The following PACRGL variants were observed in gnomAD, a reference collection of about 807,000 sequenced individuals.
The protein encoded by PACRGL is PACRG-like protein.
A neutral mutation model predicts 34.5 loss-of-function variants in PACRGL; 38 were observed. That is an observed-to-expected ratio of 1.10 (90% CI 0.85 to 1.44). The LOEUF is 1.44. Among genes scored for constraint, PACRGL ranks in the 40% most tolerant of loss-of-function variants. The pLI is 0.00. For missense variants in PACRGL, 305 were observed against 281.4 expected (o/e 1.08, Z -0.60); for synonymous variants, 128 against 100.1 (o/e 1.28, Z -1.66).
At chr4:20,749,673 C>A in intron 8 of PACRGL, 2 of 1,604,732 alleles carry the variant, frequency 1.2e-6, no homozygotes, top group South Asian at 1.1e-5. Context: ...TCGAAACTCA[C>A]AGCTCCATTG....
intron 4 of PACRGL, among the ~76,000 whole-genome samples, chr4:20,708,414 AATTTT>A (rs1735544962): frequency 6.6e-6 from 1 of 152,094 alleles, no homozygotes; most frequent in African/African-American, 2.4e-5. Flanking sequence ...GATGATAGAA[AATTTT>A]ATTTTGATTA....
At chr4:20,749,005 C>T (rs1050600197) in intron 8 of PACRGL, among the ~76,000 whole-genome samples, 6 of 151,120 alleles carry the variant, frequency 4.0e-5, no homozygotes, top group African/African-American at 1.5e-4. Flanking sequence ...AAATTAAATA[C>T]TTTCTAGCTG....
rs192285249 is a variant in PACRGL, at chr4:20,717,941, A to C, written c.609+4402A>C. Among the ~76,000 whole-genome samples, 347 of 152,168 alleles carry C rather than the reference A, an allele frequency of 2.3e-3. 4 individuals carry two copies. Among genetic ancestry groups the C allele is most frequent in the African/African-American group, 8.1e-3 (338 of 41,508 alleles). On this transcript the variant is annotated intron_variant, in intron 7 of 8. Coordinates refer to ENST00000503585, the MANE Select transcript of PACRGL (RefSeq NM_001258345.3). ...TACCTTGGGCAGTATGGCCATTTTC[A>C]CCATATTGATTCTTCCTATCCATGA...
intron 8 of PACRGL, among the ~76,000 whole-genome samples, chr4:20,746,378 G>T (rs555181577): frequency 1.2e-4 from 19 of 152,138 alleles, no homozygotes; most frequent in African/African-American, 4.6e-4. Context: ...GTCGGAGGGT[G>T]GGGGGCTAGG....
rs760391530 is a variant in PACRGL, at chr4:20,745,819, C to T, written c.*57-6746C>T. 6.5e-4 allele frequency among the ~76,000 whole-genome samples: 99 copies of T among 152,152 alleles called. 2 individuals carry two copies. Among genetic ancestry groups the T allele is most frequent in the Non-Finnish European group, 1.3e-4 (9 of 68,042 alleles). ...TCCTCCTGACTCCCCTGACTCCCTG[C>T]CAATCAAAGACTGCTATGGCTTAGA... On this transcript the variant is annotated intron_variant, in intron 8 of 8. Coordinates refer to the PACRGL transcript ENST00000507634.
At position 20,727,361 on chromosome 4, in the gene PACRGL, T is replaced by C; in HGVS notation, c.*20T>C. On this transcript the variant is annotated 3_prime_UTR_variant, in exon 9 of 9. Coordinates refer to ENST00000503585, the MANE Select transcript of PACRGL (RefSeq NM_001258345.3). ...TGTTGAAGAAGGGAGCCAACAAAAA[T>C]TGTTTTTTCTACCTGTTGACGTGTC... is the stretch of plus-strand genomic sequence containing the variant. The C allele has an allele frequency of 6.3e-7, 1 of 1,594,090 alleles. No homozygotes were observed. Among genetic ancestry groups the C allele is most frequent in the Non-Finnish European group, 8.6e-7 (1 of 1,162,140 alleles).
At chr4:20,738,618 G>T (rs542308461) in intron 8 of PACRGL, among the ~76,000 whole-genome samples, 2 of 152,268 alleles carry the variant, frequency 1.3e-5, no homozygotes, top group East Asian at 3.9e-4. Flanking sequence ...CACTTTTGGG[G>T]AATCCCCCCA....
At position 20,700,646 on chromosome 4, in the gene PACRGL, G is replaced by A. The variant is rs950947850; in HGVS notation, c.-158G>A. ...TCCTGTCTGCGCTCTCTGCCAAGCC[G>A]GCTTGCTTCCTGATCTGTTGCTAGG... On this transcript the variant is annotated 5_prime_UTR_variant, in exon 1 of 9. Coordinates refer to ENST00000503585, the MANE Select transcript of PACRGL (RefSeq NM_001258345.3). 1 of 152,140 alleles carries A rather than the reference G, an allele frequency of 6.6e-6. No homozygotes were observed. The highest frequency in any genetic ancestry group is 1.5e-5 in the Non-Finnish European group (1 of 68,084). The allele number at this position is 152,140 out of a possible 1,614,324, so 9.4% of individuals were successfully genotyped here. A position where few individuals can be genotyped will look rare whatever the true frequency, so the allele number is the denominator to read the frequency against.
At chr4:20,707,491 C>T (rs1223312071) in intron 3 of PACRGL, among the ~76,000 whole-genome samples, 1 of 152,202 alleles carries the variant, frequency 6.6e-6, no homozygotes, top group South Asian at 2.1e-4. Context: ...TATACTTTTT[C>T]TGTACTTAAC....
intron 3 of PACRGL, 113 bp downstream of exon 3, chr4:20,704,927 A>T (rs1410965620): frequency 1.6e-6 from 2 of 1,215,626 alleles, no homozygotes; most frequent in Non-Finnish European, 1.2e-6. Context: ...TTGAGCTAAT[A>T]ATGAGAGAAG....
At chr4:20,758,789 TA>T in the PACRGL span, 39 of 1,525,880 alleles carry the variant, frequency 2.6e-5, no homozygotes, top group Non-Finnish European at 3.2e-5. Context: ...GTAACTCTGA[TA>T]GTATGTTAAC....
chr4:20,748,558 TTTTATATATATATATATA>T (rs1157796960), intron 8 of PACRGL, among the ~76,000 whole-genome samples: 5,407 of 118,508 alleles, frequency 0.046, 134 homozygotes, highest in South Asian at 0.14. Flanking sequence ...ACCTTCCAAA[TTTTATATATATATATATA>T]TATATATATA....
chr4:20,716,307 TCTC>T (rs750331262), intron 7 of PACRGL: 17 of 591,942 alleles, frequency 2.9e-5, no homozygotes, highest in Non-Finnish European at 5.0e-5. Context: ...TCAGTTTTCT[TCTC>T]CTAGTGAAGT....
At chr4:20,701,642 C>T (rs1387489161) in intron 1 of PACRGL, 1 of 312,968 alleles carries the variant, frequency 3.2e-6, no homozygotes, top group South Asian at 2.8e-5. Flanking sequence ...ACTCATGCTC[C>T]AGGCTTGTCA....
intron 8 of PACRGL, among the ~76,000 whole-genome samples, chr4:20,739,854 T>G (rs1447117020): frequency 6.6e-6 from 1 of 152,090 alleles, no homozygotes; most frequent in Non-Finnish European, 1.5e-5. Context: ...GAGAAAAGAT[T>G]AGACGAATGG....
In PACRGL at chr4:20,732,168, C is replaced by T; in HGVS notation, c.*4827C>T. The T allele has an allele frequency of 1.3e-6, 1 of 793,744 alleles. No individual in the cohort carries two copies. Among genetic ancestry groups the T allele is most frequent in the East Asian group, 2.6e-5 (1 of 39,056 alleles). The allele number at this position is 793,744 out of a possible 1,614,324, so 49.2% of individuals were successfully genotyped here. Reference sequence around the variant, plus strand: ...AGCTGATAAAAAGAAAACCTAGCTGCTTATTTATTTCACGTGGAGGAACTG... The same window carrying T: ...AGCTGATAAAAAGAAAACCTAGCTGTTTATTTATTTCACGTGGAGGAACTG... On this transcript the variant is annotated 3_prime_UTR_variant, in exon 9 of 9. Coordinates refer to ENST00000503585, the MANE Select transcript of PACRGL (RefSeq NM_001258345.3).
chr4:20,716,912 G>A (rs966251185), intron 7 of PACRGL, among the ~76,000 whole-genome samples: 1 of 152,212 alleles, frequency 6.6e-6, no homozygotes, highest in Non-Finnish European at 1.5e-5. Flanking sequence ...TCGCCACACT[G>A]TCTTACACAA....
intron 8 of PACRGL, among the ~76,000 whole-genome samples, chr4:20,739,410 T>C (rs1319734896): frequency 6.6e-6 from 1 of 152,134 alleles, no homozygotes; most frequent in Non-Finnish European, 1.5e-5. Flanking sequence ...GGCAGCAACA[T>C]GTGCTGTTCT....
chr4:20,700,864 A>C (rs1731842088), intron 1 of PACRGL, 77 bp downstream of exon 1: 1 of 151,966 alleles, frequency 6.6e-6, no homozygotes, highest in African/African-American at 2.4e-5. Context: ...TCTTTTGCTG[A>C]CTTTGATAGC....
Sources: gnomAD v4.1 joint callset for allele counts (sites outside exome capture counted in the v4.1 genomes callset) on GRCh38, gnomAD v4.1.1 for gene constraint, MANE v1.5 for transcripts, NCBI Gene and HGNC (gene_info 2026-07-23, HGNC 2026-07-21) for gene names.